The following VPS13B variants were observed in gnomAD, a reference collection of about 807,000 sequenced individuals.
VPS13B encodes the protein vacuolar protein sorting 13 homolog B.
Under a neutral mutation model 426.4 loss-of-function variants are expected in VPS13B, and 285 were observed. The observed-to-expected ratio is 0.67, with a 90% confidence interval of 0.61 to 0.74. The LOEUF (loss-of-function observed/expected upper bound fraction) is 0.74. Ranked by LOEUF, VPS13B falls within the 30% of genes least tolerant of loss-of-function variation. The pLI is 0.00. For missense variants in VPS13B, 4,537 were observed against 4,782.6 expected, an observed-to-expected ratio of 0.95 and a Z score of 1.51; for synonymous variants, 1,676 against 1,676.4, an observed-to-expected ratio of 1.00 and a Z score of 0.01.
chr8:99,013,875 A>T lies in VPS13B; in HGVS notation c.87A>T (p.Ser29=). The change falls in exon 2 of 62, where the codon TCA becomes TCT. Residue 29 remains serine, a synonymous_variant. Transcript: ENST00000357162. ...KNLKPSDLQL[S]LWGGDVVLSK... ...TAAAGCCGTCGGATCTACAGCTTTC[A>T]CTATGGGGTGGAGACGTGGTACTCA... 7 of 1,614,142 alleles carry T rather than the reference A, an allele frequency of 4.3e-6. No individual in the cohort carries two copies. The highest frequency in any genetic ancestry group is 5.1e-6 in the Non-Finnish European group (6 of 1,180,030).
At chr8:99,349,332 C>CAAAA (rs35441676) in intron 19 of VPS13B, among the ~76,000 whole-genome samples, 1,965 of 47,524 alleles carry the variant, frequency 0.041, 281 homozygotes, top group Non-Finnish European at 0.049. Flanking sequence ...GACTCCGTCT[C>CAAAA]AAAAAAAAAA....
intron 39 of VPS13B, among the ~76,000 whole-genome samples, chr8:99,758,758 C>T (rs1810766109): frequency 6.6e-6 from 1 of 152,154 alleles, no homozygotes; most frequent in Non-Finnish European, 1.5e-5. Context: ...CCATGCCCTT[C>T]CACTTTGCCC....
intron 9 of VPS13B, 73 bp downstream of exon 9, chr8:99,134,800 C>T (rs761554863): frequency 1.9e-4 from 252 of 1,304,244 alleles, no homozygotes; most frequent in Non-Finnish European, 2.6e-4. Flanking sequence ...CTGTTTTTAT[C>T]AGATGTAGTG....
chr8:99,377,039 G>T (rs1025666750), intron 19 of VPS13B, among the ~76,000 whole-genome samples: 2 of 151,856 alleles, frequency 1.3e-5, no homozygotes, highest in African/African-American at 4.8e-5. Context: ...CTGAGAAGTT[G>T]GTCATAAATT....
chr8:99,567,786 G>A (rs867474272), intron 31 of VPS13B, among the ~76,000 whole-genome samples: 7 of 151,978 alleles, frequency 4.6e-5, no homozygotes, highest in Middle Eastern at 3.4e-3. Context: ...ACTGAATTCC[G>A]TGAGAAACAA....
chr8:99,558,900 T>C (rs1376117898), intron 31 of VPS13B, among the ~76,000 whole-genome samples: 1 of 152,186 alleles, frequency 6.6e-6, no homozygotes, highest in African/African-American at 2.4e-5. Flanking sequence ...AGCAGCATGA[T>C]TTATAATCCT....
At chr8:99,053,320 G>A (rs1037766223) in intron 3 of VPS13B, among the ~76,000 whole-genome samples, 2 of 151,934 alleles carry the variant, frequency 1.3e-5, no homozygotes, top group African/African-American at 4.8e-5. Context: ...TCCCCATTGT[G>A]TGATGTTCCC....
intron 56 of VPS13B, among the ~76,000 whole-genome samples, chr8:99,857,284 G>A (rs569805436): frequency 1.2e-4 from 18 of 152,284 alleles, no homozygotes; most frequent in South Asian, 8.3e-4. Context: ...CTACGCCCAC[G>A]GCACCGACCT....
intron 54 of VPS13B, among the ~76,000 whole-genome samples, chr8:99,839,091 G>A (rs1278198010): frequency 6.6e-6 from 1 of 152,212 alleles, no homozygotes; most frequent in Non-Finnish European, 1.5e-5. Flanking sequence ...AGTACTTGCT[G>A]AGCCACTGAA....
At chr8:99,102,256 T>C (rs1232713802) in intron 4 of VPS13B, among the ~76,000 whole-genome samples, 1 of 152,184 alleles carries the variant, frequency 6.6e-6, no homozygotes, top group Non-Finnish European at 1.5e-5. Flanking sequence ...TATTCTACTT[T>C]TATACATTCT....
intron 43 of VPS13B, among the ~76,000 whole-genome samples, chr8:99,784,683 C>T (rs188817161): frequency 2.6e-4 from 39 of 152,196 alleles, no homozygotes; most frequent in African/African-American, 9.4e-4. Flanking sequence ...AGCACTGGTG[C>T]TTGGGGCGGG....
chr8:99,743,847 A>T (rs1471590476), intron 39 of VPS13B, among the ~76,000 whole-genome samples: 1 of 152,240 alleles, frequency 6.6e-6, no homozygotes, highest in Non-Finnish European at 1.5e-5. Flanking sequence ...AAAGACTTAC[A>T]TGTTAGACCT....
rs1015617928 is a variant in VPS13B at position 99,165,242 on chromosome 8, A to G, written c.2209-4797A>G. ...TTAATAGAATACATTGTTATTTACTATAGTCTTCATGTTGTACAATAGATC... is the reference window on the plus strand; with the variant it reads ...TTAATAGAATACATTGTTATTTACTGTAGTCTTCATGTTGTACAATAGATC... On this transcript the variant is annotated intron_variant, in intron 15 of 61. Transcript: ENST00000357162. Among the ~76,000 whole-genome samples the G allele has an allele frequency of 8.5e-5, 13 of 152,280 alleles. No homozygotes were observed. The East Asian group carries it at 1.3e-3, about 16-fold the overall frequency.
chr8:99,421,231 G>C (rs1816353538), intron 21 of VPS13B, among the ~76,000 whole-genome samples: 1 of 152,056 alleles, frequency 6.6e-6, no homozygotes, highest in African/African-American at 2.4e-5. Context: ...TATAATTGTT[G>C]ATATGTTATT....
intron 39 of VPS13B, among the ~76,000 whole-genome samples, chr8:99,736,712 A>G (rs911610961): frequency 6.6e-6 from 1 of 151,828 alleles, no homozygotes; most frequent in South Asian, 2.1e-4. Context: ...ACAAACTTGG[A>G]AAAAAACCCT....
At chr8:99,583,571 T>C (rs1826175526) in intron 33 of VPS13B, among the ~76,000 whole-genome samples, 1 of 152,218 alleles carries the variant, frequency 6.6e-6, no homozygotes, top group Non-Finnish European at 1.5e-5. Context: ...GTAGTTGTGC[T>C]TCATTTTAGG....
intron 44 of VPS13B, among the ~76,000 whole-genome samples, chr8:99,810,484 C>T (rs1588733234): frequency 6.6e-6 from 1 of 152,180 alleles, no homozygotes; most frequent in South Asian, 2.1e-4. Context: ...CAGTAGGACC[C>T]ACACCATATG....
chr8:99,867,208 A>T (rs1243109862), intron 58 of VPS13B, among the ~76,000 whole-genome samples: 1 of 152,102 alleles, frequency 6.6e-6, no homozygotes, highest in Non-Finnish European at 1.5e-5. Context: ...TTGTAAAGAA[A>T]TTTTCCCTTC....
At chr8:99,761,870 G>C (rs574819008) in intron 39 of VPS13B, among the ~76,000 whole-genome samples, 1 of 151,870 alleles carries the variant, frequency 6.6e-6, no homozygotes, top group Non-Finnish European at 1.5e-5. Flanking sequence ...TATATTTATG[G>C]TATGGGACAC....
Sources: gnomAD v4.1 joint callset for allele counts (sites outside exome capture counted in the v4.1 genomes callset) on GRCh38, gnomAD v4.1.1 for gene constraint, MANE v1.5 for transcripts, NCBI Gene and HGNC (gene_info 2026-07-23, HGNC 2026-07-21) for gene names.